Variants in MYO1D observed in about 807,000 individuals in gnomAD.
MYO1D encodes myosin ID.
Under a neutral mutation model 122.0 loss-of-function variants are expected in MYO1D, and 83 were observed. That is an observed-to-expected ratio of 0.68 (90% CI 0.57 to 0.82). The LOEUF (loss-of-function observed/expected upper bound fraction) is 0.82. MYO1D is among the 40% of genes least tolerant of loss of function. The probability of loss-of-function intolerance (pLI) is 0.00; values close to 1 mark genes in which losing one functional copy is unlikely to be tolerated. For missense variants in MYO1D, 1,157 were observed against 1,269.5 expected (o/e 0.91, Z 1.35); for synonymous variants, 464 against 446.9 (o/e 1.04, Z -0.48).
chr17:32,577,083 C>G (rs1253611379), intron 21 of MYO1D, among the ~76,000 whole-genome samples: 1 of 152,064 alleles, frequency 6.6e-6, no homozygotes, highest in Non-Finnish European at 1.5e-5. Context: ...AACCCTGTCT[C>G]TATTACAATA....
At chr17:32,688,170 G>C (rs951536506) in intron 16 of MYO1D, among the ~76,000 whole-genome samples, 9 of 152,072 alleles carry the variant, frequency 5.9e-5, no homozygotes, top group Non-Finnish European at 1.3e-4. Flanking sequence ...CCTGAGATTT[G>C]CCTTCCTTGC....
intron 21 of MYO1D, among the ~76,000 whole-genome samples, chr17:32,520,007 C>T (rs1248185487): frequency 6.6e-6 from 1 of 151,958 alleles, no homozygotes; most frequent in African/African-American, 2.4e-5. Flanking sequence ...ACCCTGAAGA[C>T]TCAGGCCCAC....
chr17:32,839,057 G>A (rs891029045), intron 1 of MYO1D, among the ~76,000 whole-genome samples: 1 of 151,960 alleles, frequency 6.6e-6, no homozygotes, highest in African/African-American at 2.4e-5. Context: ...ATATATTTTT[G>A]CAAGAATAAC....
intron 19 of MYO1D, among the ~76,000 whole-genome samples, chr17:32,643,093 T>A (rs1396421061): frequency 6.6e-6 from 1 of 152,216 alleles, no homozygotes; most frequent in Non-Finnish European, 1.5e-5. Flanking sequence ...TTGAGATACG[T>A]CCCATCAATA....
chr17:32,729,545 A>G (rs528981916), intron 14 of MYO1D, among the ~76,000 whole-genome samples: 1 of 152,326 alleles, frequency 6.6e-6, no homozygotes, highest in Admixed American at 6.5e-5. Flanking sequence ...TAGACAAAAT[A>G]TGGGGAAAAG....
chr17:32,523,897 C>G (rs1173068846), intron 21 of MYO1D, among the ~76,000 whole-genome samples: 1 of 151,990 alleles, frequency 6.6e-6, no homozygotes, highest in East Asian at 1.9e-4. Flanking sequence ...ACTTCTTAAC[C>G]TCTCCAAGCC....
chr17:32,603,271 C>T (rs1021197399), intron 21 of MYO1D, among the ~76,000 whole-genome samples: 4 of 152,124 alleles, frequency 2.6e-5, no homozygotes, highest in African/African-American at 9.7e-5. Context: ...ATTTCTGTCA[C>T]TTGTAGAAGG....
chr17:32,735,427 C>T (rs887871378), intron 14 of MYO1D, among the ~76,000 whole-genome samples: 4 of 152,186 alleles, frequency 2.6e-5, no homozygotes, highest in African/African-American at 4.8e-5. Context: ...AAGTGATCCT[C>T]CTGCCTTGGC....
intron 20 of MYO1D, among the ~76,000 whole-genome samples, chr17:32,609,388 T>TGC: frequency 6.6e-6 from 1 of 152,300 alleles, no homozygotes; most frequent in African/African-American, 2.4e-5. Context: ...GGGACAGACG[T>TGC]GCAGAAGATG....
At chr17:32,596,473 G>A (rs867111665) in intron 21 of MYO1D, among the ~76,000 whole-genome samples, 4 of 152,176 alleles carry the variant, frequency 2.6e-5, no homozygotes, top group Non-Finnish European at 4.4e-5. Context: ...CACCTGTACT[G>A]CCGCGGCAGT....
intron 1 of MYO1D, among the ~76,000 whole-genome samples, chr17:32,872,056 A>C (rs561110593): frequency 6.6e-6 from 1 of 152,298 alleles, no homozygotes; most frequent in Non-Finnish European, 1.5e-5. Flanking sequence ...CAGAGGTCTT[A>C]CGCCTGAGCA....
chr17:32,747,846 GA>G (rs879338916), intron 12 of MYO1D, among the ~76,000 whole-genome samples: 318 of 143,310 alleles, frequency 2.2e-3, no homozygotes, highest in African/African-American at 7.1e-3. Flanking sequence ...CAAAAAAAAG[GA>G]AAAAAAAAAA....
chr17:32,743,029 C>T (rs189817151), intron 13 of MYO1D, among the ~76,000 whole-genome samples: 30 of 152,288 alleles, frequency 2.0e-4, no homozygotes, highest in Admixed American at 6.5e-4. Context: ...TGTAGTGTAT[C>T]GTTTTTTTCT....
chr17:32,810,143 G>A (rs2090556416), intron 1 of MYO1D, among the ~76,000 whole-genome samples: 1 of 152,162 alleles, frequency 6.6e-6, no homozygotes, highest in South Asian at 2.1e-4. Context: ...GAAGTAGTGG[G>A]TAGCCAGAGC....
At chr17:32,638,948 G>A (rs1181655534) in intron 19 of MYO1D, 113 bp from the exon 20 acceptor site, 4 of 679,580 alleles carry the variant, frequency 5.9e-6, no homozygotes, top group African/African-American at 5.3e-5. Flanking sequence ...CCACTCTACT[G>A]GATGCAATAA....
chr17:32,650,030 A>G (rs1380996443), intron 19 of MYO1D, among the ~76,000 whole-genome samples: 1 of 152,220 alleles, frequency 6.6e-6, no homozygotes, highest in African/African-American at 2.4e-5. Flanking sequence ...CTATGTAGCT[A>G]CCACTTCACT....
intron 19 of MYO1D, among the ~76,000 whole-genome samples, chr17:32,646,102 T>C (rs2088289981): frequency 6.6e-6 from 1 of 152,212 alleles, no homozygotes. Flanking sequence ...CCTTTCTGTT[T>C]GTTAGTTTTC....
intron 5 of MYO1D, 57 bp downstream of exon 5, chr17:32,772,732 A>G: frequency 2.9e-6 from 4 of 1,390,898 alleles, no homozygotes; most frequent in Non-Finnish European, 3.1e-6. Flanking sequence ...AGACACAAAT[A>G]CTCATTTCCT....
chr17:32,534,605 T>C (rs138416285), intron 21 of MYO1D, among the ~76,000 whole-genome samples: 9 of 152,328 alleles, frequency 5.9e-5, no homozygotes, highest in African/African-American at 1.9e-4. Context: ...GGGTATGAGA[T>C]CTAGAGGCTT....
Sources: gnomAD v4.1 joint callset for allele counts (sites outside exome capture counted in the v4.1 genomes callset) on GRCh38, gnomAD v4.1.1 for gene constraint, MANE v1.5 for transcripts, NCBI Gene and HGNC (gene_info 2026-07-23, HGNC 2026-07-21) for gene names.